CDC42BPA: variants seen among roughly 807,000 people sequenced by gnomAD.
CDC42BPA encodes serine/threonine-protein kinase MRCK alpha.
Under a neutral mutation model 223.5 loss-of-function variants are expected in CDC42BPA, and 80 were observed. That is an observed-to-expected ratio of 0.36 (90% CI 0.30 to 0.43). The LOEUF (loss-of-function observed/expected upper bound fraction) is 0.43. Ranked by LOEUF, CDC42BPA falls within the 20% of genes least tolerant of loss-of-function variation. The probability of loss-of-function intolerance (pLI) is 1.00; values close to 1 mark genes in which losing one functional copy is unlikely to be tolerated. For missense variants in CDC42BPA, 1,743 were observed against 2,099.9 expected (o/e 0.83, Z 3.32); for synonymous variants, 694 against 718.6 (o/e 0.97, Z 0.55).
intron 2 of CDC42BPA, among the ~76,000 whole-genome samples, chr1:227,235,768 C>A (rs1678899979): frequency 6.6e-6 from 1 of 152,166 alleles, no homozygotes; most frequent in African/African-American, 2.4e-5. Context: ...CTACTCCAAC[C>A]AACCTCCCAA....
intron 2 of CDC42BPA, among the ~76,000 whole-genome samples, chr1:227,253,269 C>CGAGAGAGAGT (rs1355950996): frequency 2.5e-5 from 2 of 80,114 alleles, no homozygotes; most frequent in African/African-American, 4.0e-5. Context: ...CGAGAGAGAG[C>CGAGAGAGAGT]GCGCGCGCGT....
intron 1 of CDC42BPA, among the ~76,000 whole-genome samples, chr1:227,279,954 A>G (rs998635529): frequency 6.6e-6 from 1 of 152,160 alleles, no homozygotes; most frequent in Non-Finnish European, 1.5e-5. Context: ...GCTACCTGGA[A>G]GGCTGAGGCA....
chr1:227,057,661 C>T (rs139008662), intron 21 of CDC42BPA, among the ~76,000 whole-genome samples: 1 of 152,106 alleles, frequency 6.6e-6, no homozygotes, highest in Non-Finnish European at 1.5e-5. Context: ...TTGAAGGAGG[C>T]CAGGAAAGCA....
rs1356620062 is a variant in CDC42BPA, at chr1:226,993,030, A to C, written c.*1238T>G. The stretch of plus-strand genomic sequence containing the variant: ...GAAGCCCTTGCTTTTGAGGTTTTAC[A>C]TTATTTGGTAATGAAAGCCGTTTTT... On this transcript the variant is annotated 3_prime_UTR_variant, in exon 37 of 37. Coordinates refer to ENST00000366766, the MANE Select transcript of CDC42BPA (RefSeq NM_001394014.1). 6.6e-6 allele frequency: 1 copy of C among 152,204 alleles called. No homozygotes were observed. Among genetic ancestry groups the C allele is most frequent in the Admixed American group, 6.5e-5 (1 of 15,284 alleles). The allele number at this position is 152,204 out of a possible 1,614,324, so 9.4% of individuals were successfully genotyped here.
At chr1:227,160,712 G>T in intron 5 of CDC42BPA, 76 bp from the exon 6 acceptor site, 2 of 797,736 alleles carry the variant, frequency 2.5e-6, no homozygotes, top group African/African-American at 1.8e-5. Flanking sequence ...CTTTTTGTCA[G>T]AAAAAAATCT....
intron 30 of CDC42BPA, 73 bp from the exon 31 acceptor site, chr1:227,026,225 A>G: frequency 1.3e-6 from 1 of 760,552 alleles, no homozygotes. Flanking sequence ...TGAAAGGTCT[A>G]CACTAAATAA....
chr1:227,160,573 A>G lies in CDC42BPA; in HGVS notation c.663T>C (p.Gly221=). 6 of 1,608,688 alleles carry G rather than the reference A, an allele frequency of 3.7e-6. No homozygotes were observed. The highest frequency in any genetic ancestry group is 5.1e-6 in the Non-Finnish European group (6 of 1,175,204). Residue 221 remains glycine, a synonymous_variant, in exon 6 of 37, where the codon GGT becomes GGC. Coordinates refer to ENST00000366766, the MANE Select transcript of CDC42BPA (RefSeq NM_001394014.1). ...MNGHIRLADF[G]SCLKLMEDGT... ...CATCTTCCATCAGCTTCAGACAAGA[A>G]CCAAAATCTGCTAACCGAATATGTC...
At chr1:227,188,225 T>A (rs907232624) in intron 5 of CDC42BPA, among the ~76,000 whole-genome samples, 1 of 152,142 alleles carries the variant, frequency 6.6e-6, no homozygotes, top group Non-Finnish European at 1.5e-5. Context: ...ACAGCAATGA[T>A]ACAAGGGACA....
At chr1:227,135,261 A>G (rs546058839) in intron 10 of CDC42BPA, among the ~76,000 whole-genome samples, 1 of 152,310 alleles carries the variant, frequency 6.6e-6, no homozygotes, top group East Asian at 1.9e-4. Context: ...GTATATTTTA[A>G]TTGATGTACT....
chr1:227,308,227 C>T (rs73100309), intron 1 of CDC42BPA, among the ~76,000 whole-genome samples: 8,584 of 152,130 alleles, frequency 0.056, 801 homozygotes, highest in African/African-American at 0.19. Context: ...AATGGGAGGA[C>T]GGGCATGGTG....
intron 1 of CDC42BPA, among the ~76,000 whole-genome samples, chr1:227,306,609 A>C (rs1212281809): frequency 6.6e-6 from 1 of 152,180 alleles, no homozygotes; most frequent in Non-Finnish European, 1.5e-5. Context: ...TTTAACCATA[A>C]ACTCTAGGAG....
rs185757824 is a variant in CDC42BPA, at chr1:227,158,292, G to T, written c.693+2251C>A. 3.3e-5 allele frequency among the ~76,000 whole-genome samples: 5 copies of T among 152,086 alleles called. No individual in the cohort carries two copies. In the East Asian group the frequency reaches 5.8e-4, roughly 18 times the overall value. On this transcript the variant is annotated intron_variant, in intron 6 of 36. Transcript: ENST00000366766. ...ACTTCTTTAATTCTCTGTCTGCTAA[G>T]TCCAACATGTGTGCCAGCCAGGCCT...
chr1:227,094,153 C>T (rs1236765958), intron 15 of CDC42BPA, among the ~76,000 whole-genome samples: 2 of 152,134 alleles, frequency 1.3e-5, no homozygotes, highest in Non-Finnish European at 2.9e-5. Context: ...GTATGGGCAG[C>T]ATACAGAAAT....
chr1:227,190,874 T>G (rs986454036), intron 5 of CDC42BPA, among the ~76,000 whole-genome samples: 1 of 150,994 alleles, frequency 6.6e-6, no homozygotes, highest in Non-Finnish European at 1.5e-5. Context: ...ATGGGCAGAG[T>G]GTGTGGTGGG....
At chr1:227,063,883 A>G (rs1676448135) in intron 21 of CDC42BPA, among the ~76,000 whole-genome samples, 1 of 152,200 alleles carries the variant, frequency 6.6e-6, no homozygotes, top group African/African-American at 2.4e-5. Context: ...AACAGAATGT[A>G]AAAGAAGCTG....
intron 23 of CDC42BPA, among the ~76,000 whole-genome samples, chr1:227,047,522 TA>T (rs1672691404): frequency 6.6e-6 from 1 of 152,186 alleles, no homozygotes; most frequent in South Asian, 2.1e-4. Context: ...CATTCTACCA[TA>T]TGTAATACTT....
chr1:227,263,349 T>G lies in CDC42BPA; in HGVS notation c.179-9194A>C, dbSNP rs1321078160. 2.2e-3 allele frequency among the ~76,000 whole-genome samples: 329 copies of G among 152,344 alleles called. 5 individuals carry two copies. In the East Asian group the frequency reaches 0.045, roughly 21 times the overall value. Reference sequence around the variant, plus strand: ...AATGGTTACACCTGCATGGTATTTATTAGCCTCCAAACAACTGGAAATTTA... The same window carrying G: ...AATGGTTACACCTGCATGGTATTTAGTAGCCTCCAAACAACTGGAAATTTA... On this transcript the variant is annotated intron_variant, in intron 1 of 36. Transcript: ENST00000366766.
chr1:227,235,285 A>AT (rs1678796146), intron 2 of CDC42BPA: 1 of 152,208 alleles, frequency 6.6e-6, no homozygotes, highest in Non-Finnish European at 1.5e-5. Flanking sequence ...TCTCTCAGAA[A>AT]AAGGCCACTA....
intron 29 of CDC42BPA, among the ~76,000 whole-genome samples, chr1:227,029,923 T>C (rs1452273750): frequency 6.6e-6 from 1 of 151,492 alleles, no homozygotes; most frequent in Non-Finnish European, 1.5e-5. Context: ...TCACCTGAGG[T>C]TGGGAGTTCG....
Sources: allele counts gnomAD v4.1 joint callset (sites outside exome capture counted in the v4.1 genomes callset), GRCh38; gene constraint gnomAD v4.1.1; transcripts MANE v1.5; gene names NCBI Gene and HGNC (gene_info 2026-07-23, HGNC 2026-07-21).